PRICKLE4: variants seen among roughly 807,000 people sequenced by gnomAD.
PRICKLE4 encodes prickle-like protein 4.
Under a neutral mutation model 43.5 loss-of-function variants are expected in PRICKLE4, and 40 were observed. The ratio of observed to expected loss-of-function variants is 0.92; its 90% CI spans 0.71 to 1.20. The LOEUF (loss-of-function observed/expected upper bound fraction) is 1.20, where lower values mean the gene tolerates loss of function less well. PRICKLE4 is among the 50% of genes most tolerant of loss of function. The pLI is 0.00. For synonymous variants in PRICKLE4, 208 were observed against 197.4 expected (o/e 1.05, Z -0.45); for missense variants, 527 against 491.2 (o/e 1.07, Z -0.69).
chr6:41,782,778 T>A (rs554571230), intron 2 of PRICKLE4, among the ~76,000 whole-genome samples: 1 of 152,298 alleles, frequency 6.6e-6, no homozygotes, highest in East Asian at 1.9e-4. Context: ...GATTATCCAA[T>A]GCAATTGCTG....
chr6:41,783,367 A>T, intron 2 of PRICKLE4, 95 bp from the exon 3 acceptor site: 1 of 1,263,430 alleles, frequency 7.9e-7, no homozygotes, highest in South Asian at 1.8e-5. Context: ...GGGTGTTGGG[A>T]GGACTGAGGG....
chr6:41,786,371 G>T, intron 7 of PRICKLE4, 39 bp downstream of exon 7: 2 of 1,537,724 alleles, frequency 1.3e-6, no homozygotes, highest in South Asian at 1.2e-5. Context: ...GAGGGAGCTT[G>T]GGCTGGGCTG....
chr6:41,785,575 C>A lies in PRICKLE4; in HGVS notation c.582+35C>A, dbSNP rs777837305. The A allele has an allele frequency of 9.5e-6, 15 of 1,585,244 alleles. No individual in the cohort carries two copies. The South Asian group carries it at 1.7e-4, about 18-fold the overall frequency. On this transcript the variant is annotated intron_variant, in intron 6 of 7. Coordinates refer to ENST00000458694, the MANE Select transcript of PRICKLE4 (RefSeq NM_013397.6). ...GGAGGGGAGGAACTGGGGGTCTGCC[C>A]AGAGTCCAGAGTGGCAGGATACAAA... is the stretch of plus-strand genomic sequence containing the variant.
At position 41,782,480 on chromosome 6, in the gene PRICKLE4, C is replaced by T. The variant is rs1016976388; in HGVS notation, c.-13+960C>T. Reference sequence around the variant, plus strand: ...TCTTGGCTCACTGCAAGCTCCACCTCCCGGGTTCACACCATTCTCCTGCCT... The same window carrying T: ...TCTTGGCTCACTGCAAGCTCCACCTTCCGGGTTCACACCATTCTCCTGCCT... On this transcript the variant is annotated intron_variant, in intron 2 of 7. Coordinates refer to ENST00000458694, the MANE Select transcript of PRICKLE4 (RefSeq NM_013397.6). Among the ~76,000 whole-genome samples, 7 of 148,684 alleles carry T rather than the reference C, an allele frequency of 4.7e-5. No homozygotes were observed. The Admixed American group carries it at 4.7e-4, about 10-fold the overall frequency.
intron 7 of PRICKLE4, 74 bp downstream of exon 7, chr6:41,786,406 C>A: frequency 6.8e-7 from 1 of 1,460,048 alleles, no homozygotes. Flanking sequence ...GGCTGGGACC[C>A]TCGCCCCGGT....
chr6:41,787,204 C>G lies in PRICKLE4; in HGVS notation c.*75C>G, dbSNP rs148246944. 3 of 1,498,130 alleles carry G rather than the reference C, an allele frequency of 2.0e-6. No individual in the cohort carries two copies. Among genetic ancestry groups the G allele is most frequent in the Non-Finnish European group, 2.6e-6 (3 of 1,132,510 alleles). 92.8% of individuals were successfully genotyped at this position (1,498,130 alleles called of 1,614,324 possible). A position where few individuals can be genotyped will look rare whatever the true frequency, so the allele number is the denominator to read the frequency against. The stretch of plus-strand genomic sequence containing the variant: ...GCGGGAGAACAAGGCTAGCCTCCCC[C>G]TAACAATCCTAGACTGAGACGCAGT... On this transcript the variant is annotated 3_prime_UTR_variant, in exon 8 of 8. Coordinates refer to ENST00000458694, the MANE Select transcript of PRICKLE4 (RefSeq NM_013397.6).
At chr6:41,784,812 T>C in intron 4 of PRICKLE4, 123 bp from the exon 5 acceptor site, 1 of 1,251,600 alleles carries the variant, frequency 8.0e-7, no homozygotes, top group African/African-American at 1.5e-5. Flanking sequence ...CCATTATCTC[T>C]GGCATCTCCC....
In PRICKLE4 at chr6:41,783,614, G is replaced by A. The variant is rs770004991; in HGVS notation, c.132+9G>A. ...AGGATACCCATGCTCAGGTAGTAGAGTCGTGCCCTTCCTCTGAGACCAACA... is the reference window on the plus strand; with the variant it reads ...AGGATACCCATGCTCAGGTAGTAGAATCGTGCCCTTCCTCTGAGACCAACA... On this transcript the variant is annotated intron_variant, in intron 3 of 7. Transcript: ENST00000458694. The A allele has an allele frequency of 5.3e-5, 86 of 1,613,182 alleles. No individual in the cohort carries two copies. The Admixed American group carries it at 1.4e-3, about 27-fold the overall frequency.
In PRICKLE4 at chr6:41,780,825, G is replaced by C. The variant is rs1772536239; in HGVS notation, c.-185G>C. 4.7e-6 allele frequency: 1 copy of C among 210,856 alleles called. No individual in the cohort carries two copies. The highest frequency in any genetic ancestry group is 9.8e-6 in the Non-Finnish European group (1 of 101,934). 13.1% of individuals were successfully genotyped at this position (210,856 alleles called of 1,614,324 possible). A position where few individuals can be genotyped will look rare whatever the true frequency, so the allele number is the denominator to read the frequency against. On this transcript the variant is annotated splice_region_variant and 5_prime_UTR_variant, in exon 1 of 8. Transcript: ENST00000458694. ...CTGCCCGGACAGCGACGCACAGCGA[G>C]GGTGAGACCCCAGCGGAGTCCTGGT...
intron 2 of PRICKLE4, 96 bp from the exon 3 acceptor site, chr6:41,783,366 G>A: frequency 7.9e-7 from 1 of 1,270,218 alleles, no homozygotes; most frequent in South Asian, 1.8e-5. Flanking sequence ...TGGGTGTTGG[G>A]AGGACTGAGG....
chr6:41,782,905 C>T (rs1772577218), intron 2 of PRICKLE4, among the ~76,000 whole-genome samples: 1 of 152,156 alleles, frequency 6.6e-6, no homozygotes, highest in South Asian at 2.1e-4. Context: ...TCTTGGGGCA[C>T]TGCTTGCTTC....
Position 41,784,948 on chromosome 6 carries a change from T to G in PRICKLE4, c.254T>G (p.Leu85Arg), listed in dbSNP as rs1221220071. Residue 85 changes from leucine to arginine, a missense_variant, in exon 5 of 8, where the codon CTG becomes CGG. Transcript: ENST00000458694. ...PPQDIDERYC[L>R]ALGEEERAEL... ...CTGTTTCTGCAGGAGCGCTACTGCCTGGCCCTTGGGGAGGAGGAGCGGGCC... is the reference window on the plus strand; with the variant it reads ...CTGTTTCTGCAGGAGCGCTACTGCCGGGCCCTTGGGGAGGAGGAGCGGGCC... 1.9e-6 allele frequency: 3 copies of G among 1,613,902 alleles called. No individual in the cohort carries two copies. The highest frequency in any genetic ancestry group is 1.3e-5 in the African/African-American group (1 of 74,924).
chr6:41,784,500 T>G (rs1237441362), intron 4 of PRICKLE4, among the ~76,000 whole-genome samples: 3 of 152,260 alleles, frequency 2.0e-5, no homozygotes, highest in African/African-American at 7.2e-5. Flanking sequence ...TTGAAACGGA[T>G]AATGGAATGT....
intron 6 of PRICKLE4, 28 bp downstream of exon 6, chr6:41,785,568 G>A: frequency 6.2e-7 from 1 of 1,601,308 alleles, no homozygotes; most frequent in African/African-American, 1.3e-5. Context: ...GGAACTGGGG[G>A]TCTGCCCAGA....
rs918415439 is a variant in PRICKLE4, at chr6:41,784,975, A to C, written c.281A>C (p.Glu94Ala). 1 of 1,613,972 alleles carries C rather than the reference A, an allele frequency of 6.2e-7. No homozygotes were observed. The highest frequency in any genetic ancestry group is 8.5e-7 in the Non-Finnish European group (1 of 1,179,980). ...CLALGEEERA[E>A]LQLFCARRKQ... is the part of the protein sequence containing the mutation. ...GCCCTTGGGGAGGAGGAGCGGGCCG[A>C]GCTGCAGCTCTTCTGTGCCAGGCGG... Residue 94 changes from glutamate to alanine, a missense_variant, in exon 5 of 8, where the codon GAG becomes GCG. Transcript: ENST00000458694.
chr6:41,782,695 A>G, intron 2 of PRICKLE4, among the ~76,000 whole-genome samples: 1 of 152,058 alleles, frequency 6.6e-6, no homozygotes, highest in East Asian at 1.9e-4. Context: ...CCCAGCCAAT[A>G]GTCACTTCTT....
chr6:41,784,352 A>G, intron 4 of PRICKLE4, 114 bp downstream of exon 4: 1 of 835,510 alleles, frequency 1.2e-6, no homozygotes, highest in Non-Finnish European at 1.8e-6. Flanking sequence ...ATGCCCAGCT[A>G]TGGCACTGGT....
In PRICKLE4 at chr6:41,787,123, G is replaced by A. The variant is rs780995890; in HGVS notation, c.1149G>A (p.Met383Ile). Reference protein sequence around the residue: ...DSNASKTHCTMC With the variant: ...DSNASKTHCTIC ...ACGCCTCTAAGACGCACTGCACCAT[G>A]TGCTAGTGGCGCAGCTCAGAGAGGG... The change falls in exon 8 of 8, where the codon ATG becomes ATA. Residue 383 changes from methionine to isoleucine, a missense_variant. By Grantham distance (10) the Met-to-Ile change is conservative. Transcript: ENST00000458694. 1.9e-6 allele frequency: 3 copies of A among 1,601,820 alleles called. No individual in the cohort carries two copies. The highest frequency in any genetic ancestry group is 1.3e-5 in the African/African-American group (1 of 74,646).
In PRICKLE4 at chr6:41,787,295, G is replaced by GTT. The variant is rs1329468289; in HGVS notation, c.*167_*168dup. ...GAGTGCGCCCCCTTCAGTACTGCGCGTTCTAAGACTTTTGGCGGAGACTTT... is the reference window on the plus strand; with the variant it reads ...GAGTGCGCCCCCTTCAGTACTGCGCGTTTTCTAAGACTTTTGGCGGAGACTTT... On this transcript the variant is annotated 3_prime_UTR_variant, in exon 8 of 8. Coordinates refer to ENST00000458694, the MANE Select transcript of PRICKLE4 (RefSeq NM_013397.6). The GTT allele has an allele frequency of 8.0e-6, 8 of 998,690 alleles. No individual in the cohort carries two copies. In the African/African-American group the frequency reaches 1.3e-4, roughly 16 times the overall value. 61.9% of individuals were successfully genotyped at this position (998,690 alleles called of 1,614,324 possible).
Sources: gnomAD v4.1 joint callset for allele counts (sites outside exome capture counted in the v4.1 genomes callset) on GRCh38, gnomAD v4.1.1 for gene constraint, MANE v1.5 for transcripts, NCBI Gene and HGNC (gene_info 2026-07-23, HGNC 2026-07-21) for gene names.